Variants in PCDHGB6 observed in about 807,000 individuals in gnomAD.
PCDHGB6 encodes the protein protocadherin gamma subfamily B, 6.
Under a neutral mutation model 59.1 loss-of-function variants are expected in PCDHGB6, and 51 were observed. The observed-to-expected ratio is 0.86, with a 90% confidence interval of 0.69 to 1.09. The LOEUF (loss-of-function observed/expected upper bound fraction) is 1.09. Among genes scored for constraint, PCDHGB6 ranks in the 50% least tolerant of loss-of-function variants. The pLI is 0.00. For synonymous variants in PCDHGB6, 466 were observed against 495.1 expected, an observed-to-expected ratio of 0.94 and a Z score of 0.78; for missense variants, 1,148 against 1,205.1, an observed-to-expected ratio of 0.95 and a Z score of 0.70.
intron 1 of PCDHGB6, among the ~76,000 whole-genome samples, chr5:141,453,850 CT>C (rs1465668273): frequency 1.3e-5 from 2 of 152,148 alleles, no homozygotes; most frequent in Non-Finnish European, 2.9e-5. Context: ...CCACAGAGCA[CT>C]TTGAAAATAA....
intron 1 of PCDHGB6, among the ~76,000 whole-genome samples, chr5:141,467,087 C>T (rs1159093881): frequency 3.4e-5 from 5 of 147,240 alleles, no homozygotes; most frequent in African/African-American, 1.3e-4. Context: ...AAGTCTCACT[C>T]TGTCACACAG....
Position 141,477,486 on chromosome 5 carries a change from C to A in PCDHGB6, c.2419-17321C>A. On this transcript the variant is annotated intron_variant, in intron 1 of 3. Coordinates refer to ENST00000520790, the MANE Select transcript of PCDHGB6 (RefSeq NM_018926.3). This position sits in a 1 kb window ranked among gnomAD's most constrained non-coding sequence, Gnocchi z 4.9. ...GACATCAATGACAACCCTCCACAAT[C>A]TTCTCAATCTTCCTACGACGTTTAC... is the stretch of plus-strand genomic sequence containing the variant. The A allele has an allele frequency of 6.2e-7, 1 of 1,614,170 alleles. No homozygotes were observed. The highest frequency in any genetic ancestry group is 8.5e-7 in the Non-Finnish European group (1 of 1,180,040).
At position 141,485,144 on chromosome 5, in the gene PCDHGB6, G is replaced by A; in HGVS notation, c.2419-9663G>A. 6.4e-7 allele frequency: 1 copy of A among 1,564,192 alleles called. No homozygotes were observed. The highest frequency in any genetic ancestry group is 1.7e-5 in the Admixed American group (1 of 59,326). On this transcript the variant is annotated intron_variant, in intron 1 of 3. Transcript: ENST00000520790. This position sits in a 1 kb window ranked among gnomAD's most constrained non-coding sequence, Gnocchi z 5.7. ...CGGGTCGGCTTCATCCGCGTCTCAG[G>A]AGCAAGTAGAGAATTAGCGGGCGGC...
chr5:141,425,881 A>C (rs911454948), intron 1 of PCDHGB6, among the ~76,000 whole-genome samples: 1 of 152,230 alleles, frequency 6.6e-6, no homozygotes, highest in African/African-American at 2.4e-5. Context: ...TCTCTAAGGA[A>C]TCTTCTTTGG....
At chr5:141,417,892 C>T (rs550343206) in intron 1 of PCDHGB6, 13 of 1,570,660 alleles carry the variant, frequency 8.3e-6, no homozygotes, top group African/African-American at 5.4e-5. Flanking sequence ...GGCGCCGGGC[C>T]GGCCCGCGGC....
intron 1 of PCDHGB6, chr5:141,423,556 G>A (rs926962652): frequency 2.5e-6 from 4 of 1,613,550 alleles, no homozygotes; most frequent in African/African-American, 2.7e-5. Flanking sequence ...GCCCAACTAT[G>A]GGGACACGCT....
chr5:141,470,565 A>T (rs2099233471), intron 1 of PCDHGB6, among the ~76,000 whole-genome samples: 1 of 152,172 alleles, frequency 6.6e-6, no homozygotes, highest in African/African-American at 2.4e-5. Context: ...CCTCTGTGCC[A>T]AGCAGGATCA....
Position 141,477,952 on chromosome 5 carries a change from A to C in PCDHGB6, c.2419-16855A>C, listed in dbSNP as rs907708638. The C allele has an allele frequency of 1.2e-6, 2 of 1,614,038 alleles. No individual in the cohort carries two copies. Among genetic ancestry groups the C allele is most frequent in the Non-Finnish European group, 1.7e-6 (2 of 1,180,002 alleles). Reference sequence around the variant, plus strand: ...CCTGGCTCTCCTACAGTCTCTTGGGATCCCCTAACCAGAGCCTTTTTGCCA... The same window carrying C: ...CCTGGCTCTCCTACAGTCTCTTGGGCTCCCCTAACCAGAGCCTTTTTGCCA... On this transcript the variant is annotated intron_variant, in intron 1 of 3. Coordinates refer to ENST00000520790, the MANE Select transcript of PCDHGB6 (RefSeq NM_018926.3). This position sits in a 1 kb window ranked among gnomAD's most constrained non-coding sequence, Gnocchi z 4.9.
chr5:141,491,567 C>T lies in PCDHGB6; in HGVS notation c.2419-3240C>T, dbSNP rs2099721325. On this transcript the variant is annotated intron_variant, in intron 1 of 3. Transcript: ENST00000520790. The surrounding 1 kb of genome is among the most constrained non-coding windows in gnomAD (Gnocchi z 6.9). ...GACTCGCAGAGCCACTGCTACAGGACGTGCTTTTCACCGGCCTCGGACGGC... is the reference window on the plus strand; with the variant it reads ...GACTCGCAGAGCCACTGCTACAGGATGTGCTTTTCACCGGCCTCGGACGGC... 1.9e-6 allele frequency: 3 copies of T among 1,614,004 alleles called. No individual in the cohort carries two copies. The highest frequency in any genetic ancestry group is 2.5e-6 in the Non-Finnish European group (3 of 1,180,034).
chr5:141,484,788 TAAC>T (rs1245576501), intron 1 of PCDHGB6, among the ~76,000 whole-genome samples: 1 of 151,732 alleles, frequency 6.6e-6, no homozygotes, highest in Non-Finnish European at 1.5e-5. Flanking sequence ...CCCACAGAGA[TAAC>T]AACCCGTGGA....
chr5:141,456,335 G>A (rs2098850730), intron 1 of PCDHGB6, among the ~76,000 whole-genome samples: 1 of 152,114 alleles, frequency 6.6e-6, no homozygotes. Flanking sequence ...TTGATCTAAG[G>A]GTCCTCGGAA....
At chr5:141,497,541 T>C (rs1157403777) in intron 2 of PCDHGB6, among the ~76,000 whole-genome samples, 9 of 89,564 alleles carry the variant, frequency 1.0e-4, no homozygotes, top group Non-Finnish European at 2.1e-4. Context: ...GCAACAAACC[T>C]TTTTTTTTTT....
In PCDHGB6 at chr5:141,485,313, A is replaced by G. The variant is rs758628263; in HGVS notation, c.2419-9494A>G. On this transcript the variant is annotated intron_variant, in intron 1 of 3. Transcript: ENST00000520790. The surrounding 1 kb of genome is among the most constrained non-coding windows in gnomAD (Gnocchi z 5.7). Reference sequence around the variant, plus strand: ...TCACAGGAAGGGACTTTTGTAGGGAATGTCGCTCAAGATTTCCTGCTGGAT... The same window carrying G: ...TCACAGGAAGGGACTTTTGTAGGGAGTGTCGCTCAAGATTTCCTGCTGGAT... 1.2e-6 allele frequency: 2 copies of G among 1,614,186 alleles called. No individual in the cohort carries two copies. Among genetic ancestry groups the G allele is most frequent in the African/African-American group, 1.3e-5 (1 of 75,054 alleles).
At chr5:141,410,961 C>T (rs2095452770) in intron 1 of PCDHGB6, 1 of 178,096 alleles carries the variant, frequency 5.6e-6, no homozygotes, top group African/African-American at 2.5e-5. Flanking sequence ...TCAAGCGATT[C>T]TCCTGCCTCA....
At chr5:141,459,490 T>C (rs2098968649) in intron 1 of PCDHGB6, among the ~76,000 whole-genome samples, 1 of 152,236 alleles carries the variant, frequency 6.6e-6, no homozygotes, top group Non-Finnish European at 1.5e-5. Context: ...TATTCTGAAT[T>C]AAAGTGATGT....
intron 1 of PCDHGB6, chr5:141,423,023 C>G (rs1410040994): frequency 6.2e-7 from 1 of 1,614,222 alleles, no homozygotes; most frequent in Non-Finnish European, 8.5e-7. Context: ...GACAAAGATT[C>G]AGGCCAGAAC....
chr5:141,509,300 G>A (rs987250093), intron 3 of PCDHGB6, among the ~76,000 whole-genome samples: 5 of 152,216 alleles, frequency 3.3e-5, no homozygotes, highest in African/African-American at 1.2e-4. Flanking sequence ...GGTGGAGGCA[G>A]AGGGAGGCTG....
At position 141,497,103 on chromosome 5, in the gene PCDHGB6, T is replaced by C. The variant is rs182534106; in HGVS notation, c.2477+2238T>C. On this transcript the variant is annotated intron_variant, in intron 2 of 3. Transcript: ENST00000520790. ...ACTTAGGAGGCTGAGGCAGAACTGC[T>C]TGAACCCGGAAGGCAGAGGTTGCAG... Among the ~76,000 whole-genome samples, 34 of 152,160 alleles carry C rather than the reference T, an allele frequency of 2.2e-4. 1 individual carries two copies. Among genetic ancestry groups the C allele is most frequent in the Admixed American group, 6.6e-4 (10 of 15,264 alleles).
Position 141,485,844 on chromosome 5 carries a change from G to T in PCDHGB6, c.2419-8963G>T. On this transcript the variant is annotated intron_variant, in intron 1 of 3. Transcript: ENST00000520790. This position sits in a 1 kb window ranked among gnomAD's most constrained non-coding sequence, Gnocchi z 5.7. ...GATGGAGGGAACCCGCCGAGATCTG[G>T]CACCGCAGAGCTCCGGGTATCCGTG... The T allele has an allele frequency of 1.9e-6, 3 of 1,613,890 alleles. 1 individual carries two copies. The South Asian group carries it at 3.3e-5, about 18-fold the overall frequency.
Sources: gnomAD v4.1 joint callset for allele counts (sites outside exome capture counted in the v4.1 genomes callset) on GRCh38, gnomAD v4.1.1 for gene constraint, Gnocchi (gnomAD v3.1) non-coding constraint, MANE v1.5 for transcripts, NCBI Gene and HGNC (gene_info 2026-07-23, HGNC 2026-07-21) for gene names.